Variants in PMM2 observed in about 807,000 individuals in gnomAD.
The protein encoded by PMM2 is phosphomannomutase 2.
In PMM2, 35 loss-of-function variants were observed where a neutral mutation model predicts 33.2. The ratio of observed to expected loss-of-function variants is 1.06; its 90% CI spans 0.81 to 1.40. PMM2 has a LOEUF of 1.40. Ranked by LOEUF, PMM2 falls within the 40% of genes most tolerant of loss-of-function variation. The pLI, the probability that PMM2 is intolerant of heterozygous loss-of-function variation, is 0.00. For synonymous variants in PMM2, 153 were observed against 114.7 expected (o/e 1.33, Z -2.13); for missense variants, 386 against 306.0 (o/e 1.26, Z -1.95).
At position 8,848,933 on chromosome 16, in the gene PMM2, G is replaced by A. The variant is rs2060947461; in HGVS notation, c.*1108G>A. The A allele has an allele frequency of 6.6e-6, 1 of 152,274 alleles. No individual in the cohort carries two copies. Among genetic ancestry groups the A allele is most frequent in the Non-Finnish European group, 1.5e-5 (1 of 68,064 alleles). 9.4% of individuals were successfully genotyped at this position (152,274 alleles called of 1,614,324 possible). Reference sequence around the variant, plus strand: ...CCCGGGTCTCAGCTAGAACACGGTGGAAGAGAACTTTCCTAGGAAACGGTT... The same window carrying A: ...CCCGGGTCTCAGCTAGAACACGGTGAAAGAGAACTTTCCTAGGAAACGGTT... On this transcript the variant is annotated 3_prime_UTR_variant, in exon 8 of 8. Coordinates refer to ENST00000268261, the MANE Select transcript of PMM2 (RefSeq NM_000303.3).
At chr16:8,821,473 T>C (rs1485666468) in intron 7 of PMM2, among the ~76,000 whole-genome samples, 5 of 152,194 alleles carry the variant, frequency 3.3e-5, no homozygotes, top group Non-Finnish European at 7.4e-5. Flanking sequence ...CCTGTGTCTG[T>C]GCTGAAGCTC....
At position 8,847,903 on chromosome 16, in the gene PMM2, A is replaced by G; in HGVS notation, c.*78A>G. On this transcript the variant is annotated 3_prime_UTR_variant, in exon 8 of 8. Transcript: ENST00000268261. The stretch of plus-strand genomic sequence containing the variant: ...GGTGGCCAGAGCCGAGGGTCCTCCC[A>G]CACGTGCTCACCCACCCGCAGCCTA... 1 of 1,072,426 alleles carries G rather than the reference A, an allele frequency of 9.3e-7. No homozygotes were observed. The highest frequency in any genetic ancestry group is 2.4e-5 in the East Asian group (1 of 40,958). The allele number at this position is 1,072,426 out of a possible 1,614,324, so 66.4% of individuals were successfully genotyped here.
Position 8,848,479 on chromosome 16 carries a change from A to T in PMM2, c.*654A>T, listed in dbSNP as rs1025806739. On this transcript the variant is annotated 3_prime_UTR_variant, in exon 8 of 8. Coordinates refer to ENST00000268261, the MANE Select transcript of PMM2 (RefSeq NM_000303.3). ...TGGGAGCAGACCCTAGGGAGTTTGC[A>T]CCTCGGCTGGGCCGGATTCGGACCG... The T allele has an allele frequency of 3.2e-5, 5 of 154,636 alleles. No homozygotes were observed. The highest frequency in any genetic ancestry group is 1.2e-4 in the African/African-American group (5 of 41,428). 9.6% of individuals were successfully genotyped at this position (154,636 alleles called of 1,614,324 possible).
At chr16:8,823,044 G>A (rs531116343) in intron 7 of PMM2, among the ~76,000 whole-genome samples, 21 of 152,276 alleles carry the variant, frequency 1.4e-4, no homozygotes, top group Non-Finnish European at 7.4e-5. Context: ...GGGTAGACAG[G>A]AAAGAGGAAA....
At position 8,832,870 on chromosome 16, in the gene PMM2, T is replaced by C. The variant is rs952706333; in HGVS notation, c.640-14854T>C. The C allele has an allele frequency of 1.8e-4, 174 of 985,270 alleles. 1 individual carries two copies. Among genetic ancestry groups the C allele is most frequent in the Non-Finnish European group, 2.0e-4 (167 of 829,928 alleles). 61.0% of individuals were successfully genotyped at this position (985,270 alleles called of 1,614,324 possible). A position where few individuals can be genotyped will look rare whatever the true frequency, so the allele number is the denominator to read the frequency against. On this transcript the variant is annotated intron_variant, in intron 7 of 7. Coordinates refer to ENST00000268261, the MANE Select transcript of PMM2 (RefSeq NM_000303.3). ...CACATGGCCTGTGCCCTCACGTCCC[T>C]CAGATGCCAGGGTTCCCTCACCCTC...
intron 6 of PMM2, among the ~76,000 whole-genome samples, chr16:8,812,541 C>G (rs77312021): frequency 0.047 from 7,130 of 152,196 alleles, 245 homozygotes; most frequent in Middle Eastern, 0.14. Flanking sequence ...TTTTGTTGCC[C>G]GTGAGCACTG....
intron 7 of PMM2, among the ~76,000 whole-genome samples, chr16:8,818,670 A>G (rs916799178): frequency 1.3e-5 from 2 of 151,838 alleles, no homozygotes; most frequent in African/African-American, 4.9e-5. Context: ...CTGGTGTTAC[A>G]TAAAGGGTGC....
At chr16:8,827,848 A>ATATATGTTAT (rs1289299089) in intron 7 of PMM2, among the ~76,000 whole-genome samples, 1 of 69,918 alleles carries the variant, frequency 1.4e-5, no homozygotes, top group African/African-American at 5.0e-5. Context: ...TATAATATAT[A>ATATATGTTAT]ATATATATGT....
rs2060939678 is a variant in PMM2, at chr16:8,848,002, A to G, written c.*177A>G. On this transcript the variant is annotated 3_prime_UTR_variant, in exon 8 of 8. Coordinates refer to ENST00000268261, the MANE Select transcript of PMM2 (RefSeq NM_000303.3). ...TCCAGTGCCAGAAACTTCCAGAAGG[A>G]AGGAGAAAACTCTTGTCAAGAATGG... is the stretch of plus-strand genomic sequence containing the variant. 1.6e-6 allele frequency: 1 copy of G among 612,136 alleles called. No individual in the cohort carries two copies. The highest frequency in any genetic ancestry group is 2.8e-5 in the East Asian group (1 of 35,748). The allele number at this position is 612,136 out of a possible 1,614,324, so 37.9% of individuals were successfully genotyped here.
At chr16:8,843,634 G>A (rs1161672005) in intron 7 of PMM2, among the ~76,000 whole-genome samples, 1 of 152,116 alleles carries the variant, frequency 6.6e-6, no homozygotes, top group African/African-American at 2.4e-5. Flanking sequence ...TGTGGCTGGG[G>A]TTTGTCTCAC....
chr16:8,822,340 G>C (rs967638543), intron 7 of PMM2, among the ~76,000 whole-genome samples: 2 of 152,200 alleles, frequency 1.3e-5, no homozygotes, highest in Non-Finnish European at 2.9e-5. Flanking sequence ...TTTTATGACA[G>C]TGATATTATT....
chr16:8,826,753 G>A (rs1201940074), intron 7 of PMM2, among the ~76,000 whole-genome samples: 3 of 151,940 alleles, frequency 2.0e-5, no homozygotes, highest in Non-Finnish European at 4.4e-5. Flanking sequence ...ATAGACCGAA[G>A]AAGATGCATT....
intron 7 of PMM2, among the ~76,000 whole-genome samples, chr16:8,827,767 CATTTATATATATAT>C (rs2060780368): frequency 1.7e-5 from 1 of 60,100 alleles, no homozygotes; most frequent in South Asian, 5.8e-4. Context: ...TATATGCACA[CATTTATATATATAT>C]ATTTATATAT....
intron 7 of PMM2, chr16:8,832,920 T>C: frequency 1.0e-6 from 1 of 985,298 alleles, no homozygotes; most frequent in Non-Finnish European, 1.2e-6. Context: ...CTTCCCTCCC[T>C]TTGCTCAACA....
intron 7 of PMM2, among the ~76,000 whole-genome samples, chr16:8,825,552 C>T (rs1475981684): frequency 2.6e-5 from 4 of 151,752 alleles, no homozygotes; most frequent in African/African-American, 7.3e-5. Flanking sequence ...AACTCCTGAC[C>T]CCACGTGATC....
At chr16:8,816,906 A>T (rs1319859729) in intron 7 of PMM2, among the ~76,000 whole-genome samples, 1 of 152,186 alleles carries the variant, frequency 6.6e-6, no homozygotes, top group Non-Finnish European at 1.5e-5. Context: ...AGAGATATAT[A>T]TCCAAAATAA....
intron 7 of PMM2, among the ~76,000 whole-genome samples, chr16:8,815,945 A>C (rs546265615): frequency 2.6e-4 from 40 of 152,250 alleles, no homozygotes; most frequent in African/African-American, 9.1e-4. Context: ...AAGAAACTCC[A>C]ACAACTCAAT....
chr16:8,813,586 G>A (rs2060690010), intron 7 of PMM2, among the ~76,000 whole-genome samples: 1 of 152,176 alleles, frequency 6.6e-6, no homozygotes, highest in Non-Finnish European at 1.5e-5. Flanking sequence ...GGCCAAGTGA[G>A]TCCCAGGCAT....
At chr16:8,820,708 A>G (rs1290815003) in intron 7 of PMM2, among the ~76,000 whole-genome samples, 1 of 152,186 alleles carries the variant, frequency 6.6e-6, no homozygotes, top group African/African-American at 2.4e-5. Context: ...ATCTGAGGAA[A>G]GTGGGTGACG....
Sources: allele counts gnomAD v4.1 joint callset (sites outside exome capture counted in the v4.1 genomes callset), GRCh38; gene constraint gnomAD v4.1.1; transcripts MANE v1.5; gene names NCBI Gene and HGNC (gene_info 2026-07-23, HGNC 2026-07-21).